DLGAP2: variants seen among roughly 807,000 people sequenced by gnomAD.
DLGAP2 encodes the protein disks large-associated protein 2.
A neutral mutation model predicts 100.3 loss-of-function variants in DLGAP2; 26 were observed. That is an observed-to-expected ratio of 0.26 (90% confidence interval 0.19 to 0.36). The LOEUF is 0.36. Among genes scored for constraint, DLGAP2 ranks in the 10% least tolerant of loss-of-function variants. The pLI is 1.00. For missense variants in DLGAP2, 1,858 were observed against 1,453.2 expected, an observed-to-expected ratio of 1.28 and a Z score of -4.53; for synonymous variants, 886 against 630.1, an observed-to-expected ratio of 1.41 and a Z score of -6.08.
At chr8:1,266,823 C>T (rs1241742130) in intron 3 of DLGAP2, among the ~76,000 whole-genome samples, 1 of 152,062 alleles carries the variant, frequency 6.6e-6, no homozygotes, top group Non-Finnish European at 1.5e-5. Flanking sequence ...AATACATGCC[C>T]TCTCCCCATT....
chr8:1,281,699 G>T (rs995288880), intron 3 of DLGAP2, among the ~76,000 whole-genome samples: 2 of 152,298 alleles, frequency 1.3e-5, no homozygotes, highest in Non-Finnish European at 2.9e-5. Flanking sequence ...ACTCCCTAAG[G>T]AGGAGCTGAC....
At chr8:1,111,380 G>A (rs1005046479) in intron 2 of DLGAP2, among the ~76,000 whole-genome samples, 3 of 152,046 alleles carry the variant, frequency 2.0e-5, no homozygotes, top group Non-Finnish European at 4.4e-5. Flanking sequence ...GTGACCTTGG[G>A]CGTGTTTCTT....
At chr8:1,422,403 A>C (rs1304806009) in intron 3 of DLGAP2, among the ~76,000 whole-genome samples, 1 of 152,150 alleles carries the variant, frequency 6.6e-6, no homozygotes, top group African/African-American at 2.4e-5. Context: ...ACGCTTGTGT[A>C]TATGTAGGGA....
chr8:973,818 C>G (rs1283616141), intron 2 of DLGAP2, among the ~76,000 whole-genome samples: 1 of 151,172 alleles, frequency 6.6e-6, no homozygotes, highest in Non-Finnish European at 1.5e-5. Flanking sequence ...GGGCCCGTGG[C>G]CCCGCGGCGG....
In DLGAP2 at chr8:1,697,246, C is replaced by G; in HGVS notation, c.2896C>G (p.Leu966Val). 8 of 1,611,058 alleles carry G rather than the reference C, an allele frequency of 5.0e-6. No individual in the cohort carries two copies. The highest frequency in any genetic ancestry group is 6.8e-6 in the Non-Finnish European group (8 of 1,178,276). ...IEDVSMKFDE[L>V]QRLRLNDWKM... ...GGACGTCAGCATGAAGTTCGACGAGCTGCAGCGGCTGCGGCTCAACGACTG... is the reference window on the plus strand; with the variant it reads ...GGACGTCAGCATGAAGTTCGACGAGGTGCAGCGGCTGCGGCTCAACGACTG... Residue 966 changes from leucine to valine, a missense_variant, in exon 14 of 15, where the codon CTG becomes GTG. Transcript: ENST00000637795.
intron 6 of DLGAP2, among the ~76,000 whole-genome samples, chr8:1,607,624 G>A (rs905401217): frequency 1.3e-5 from 2 of 152,254 alleles, no homozygotes; most frequent in Non-Finnish European, 2.9e-5. Context: ...TTCCATCTGA[G>A]GTACCGGGTT....
chr8:1,623,768 G>A (rs1797418423), intron 6 of DLGAP2, among the ~76,000 whole-genome samples: 1 of 152,234 alleles, frequency 6.6e-6, no homozygotes, highest in Non-Finnish European at 1.5e-5. Flanking sequence ...TGGTTTATAG[G>A]ACTAATGTAA....
intron 2 of DLGAP2, among the ~76,000 whole-genome samples, chr8:997,367 C>G (rs575882844): frequency 6.6e-6 from 1 of 152,176 alleles, no homozygotes; most frequent in Non-Finnish European, 1.5e-5. Context: ...TACTTTTCCC[C>G]TGTCCTTTTT....
chr8:1,524,374 G>C (rs987840196), intron 4 of DLGAP2, among the ~76,000 whole-genome samples: 3 of 152,196 alleles, frequency 2.0e-5, no homozygotes, highest in African/African-American at 7.2e-5. Context: ...CTTCCAAGCA[G>C]TGTGAGTCAC....
intron 2 of DLGAP2, among the ~76,000 whole-genome samples, chr8:910,013 G>C (rs556653172): frequency 2.6e-5 from 4 of 152,262 alleles, no homozygotes; most frequent in Admixed American, 6.5e-5. Context: ...AAGAGTTTTC[G>C]CAGTTTCTCA....
chr8:1,357,899 C>T (rs1363694422), intron 3 of DLGAP2, among the ~76,000 whole-genome samples: 5 of 152,182 alleles, frequency 3.3e-5, no homozygotes, highest in Non-Finnish European at 7.4e-5. Flanking sequence ...ATCTAACTGA[C>T]ATGGATGTTG....
chr8:789,896 A>T (rs1821982078), intron 1 of DLGAP2, among the ~76,000 whole-genome samples: 1 of 152,226 alleles, frequency 6.6e-6, no homozygotes. Context: ...ACATGAAGCC[A>T]GGAAGTCAGA....
rs1030000562 is a variant in DLGAP2 at position 832,708 on chromosome 8, T to C, written c.19-75204T>C. 5.3e-5 allele frequency among the ~76,000 whole-genome samples: 8 copies of C among 152,216 alleles called. 1 individual carries two copies. The highest frequency in any genetic ancestry group is 1.9e-4 in the African/African-American group (8 of 41,462). ...TTTATTTCCCTTTTCAGAGTGCCTG[T>C]GGAGGAAGTGAGCACAACTGTGTTT... On this transcript the variant is annotated intron_variant, in intron 1 of 14. Transcript: ENST00000637795.
intron 4 of DLGAP2, among the ~76,000 whole-genome samples, chr8:1,531,138 T>C (rs1800976078): frequency 6.6e-6 from 1 of 152,222 alleles, no homozygotes; most frequent in Admixed American, 6.5e-5. Context: ...TTTAAGTTTA[T>C]TTTTGAAGCA....
In DLGAP2 at chr8:1,585,977, T is replaced by C. The variant is rs141000254; in HGVS notation, c.1442+20083T>C. ...ATATGGGCGTAGTTTACAATAAACA[T>C]GAGGTCCCACTGCACGCATTACTGT... On this transcript the variant is annotated intron_variant, in intron 6 of 14. Transcript: ENST00000637795. Among the ~76,000 whole-genome samples the C allele has an allele frequency of 1.3e-3, 196 of 152,348 alleles. 1 individual carries two copies. The highest frequency in any genetic ancestry group is 4.2e-3 in the African/African-American group (175 of 41,570).
intron 2 of DLGAP2, among the ~76,000 whole-genome samples, chr8:971,456 G>A (rs1800012751): frequency 6.6e-6 from 1 of 152,216 alleles, no homozygotes; most frequent in African/African-American, 2.4e-5. Context: ...GATGGATGCA[G>A]GAATCACAGC....
intron 2 of DLGAP2, among the ~76,000 whole-genome samples, chr8:1,202,035 A>G (rs1412842553): frequency 1.4e-5 from 2 of 142,334 alleles, no homozygotes; most frequent in African/African-American, 2.6e-5. Flanking sequence ...ATGTGTGCAC[A>G]TGTGCAGTAT....
chr8:1,013,669 CTGTGTGAGACCAGGACAGACGAT>C (rs1563144349), intron 2 of DLGAP2, among the ~76,000 whole-genome samples: 37 of 113,778 alleles, frequency 3.3e-4, no homozygotes, highest in Admixed American at 5.9e-4. Context: ...GACGCCTCCA[CTGTGTGAGACCAGGACAGACGAT>C]GCCTCCATTG....
chr8:1,416,637 T>C (rs1218458428), intron 3 of DLGAP2, among the ~76,000 whole-genome samples: 1 of 152,040 alleles, frequency 6.6e-6, no homozygotes, highest in Non-Finnish European at 1.5e-5. Flanking sequence ...CATAGAAATA[T>C]CAACATGGAA....
Sources: allele counts gnomAD v4.1 joint callset (sites outside exome capture counted in the v4.1 genomes callset), GRCh38; gene constraint gnomAD v4.1.1; transcripts MANE v1.5; gene names NCBI Gene and HGNC (gene_info 2026-07-23, HGNC 2026-07-21).